IP6K3: variants seen among roughly 807,000 people sequenced by gnomAD.
IP6K3 encodes ATP:1D-myo-inositol-hexakisphosphate phosphotransferase.
Under a neutral mutation model 28.8 loss-of-function variants are expected in IP6K3, and 20 were observed. The observed-to-expected ratio is 0.70, with a 90% CI of 0.49 to 1.01. The LOEUF (loss-of-function observed/expected upper bound fraction) is 1.01, where lower values mean the gene tolerates loss of function less well. Ranked by LOEUF, IP6K3 falls within the 50% of genes least tolerant of loss-of-function variation. IP6K3 has a pLI of 0.00. For missense variants in IP6K3, 480 were observed against 537.1 expected (o/e 0.89, Z 1.05); for synonymous variants, 213 against 221.3 (o/e 0.96, Z 0.33).
intron 1 of IP6K3, among the ~76,000 whole-genome samples, chr6:33,740,445 C>T (rs1053219761): frequency 7.2e-5 from 11 of 152,240 alleles, no homozygotes; most frequent in Admixed American, 6.5e-4. Context: ...AGGCCCTGGG[C>T]TGTCTGTGCC....
chr6:33,759,143 A>C, the IP6K3 span, among the ~76,000 whole-genome samples: 1 of 152,198 alleles, frequency 6.6e-6, no homozygotes, highest in Non-Finnish European at 1.5e-5. Context: ...AGAGCCATAA[A>C]TTTGTCGTGT....
chr6:33,726,591 G>C (rs1030600455), intron 4 of IP6K3, 140 bp downstream of exon 4: 1 of 849,188 alleles, frequency 1.2e-6, no homozygotes, highest in Non-Finnish European at 1.7e-6. Context: ...GTGCCTTCCA[G>C]CTATCCCTCA....
intron 1 of IP6K3, among the ~76,000 whole-genome samples, chr6:33,737,621 T>C (rs2127360658): frequency 6.6e-6 from 1 of 152,336 alleles, no homozygotes; most frequent in Middle Eastern, 3.4e-3. Context: ...CAACACAGCC[T>C]GTTCATTCCC....
chr6:33,759,105 T>C, the IP6K3 span, among the ~76,000 whole-genome samples: 1 of 152,144 alleles, frequency 6.6e-6, no homozygotes, highest in South Asian at 2.1e-4. Context: ...CAATCTTTGC[T>C]AAGTCAATAG....
At chr6:33,736,990 C>T (rs1204994034) in intron 1 of IP6K3, among the ~76,000 whole-genome samples, 2 of 152,198 alleles carry the variant, frequency 1.3e-5, no homozygotes, top group East Asian at 1.9e-4. Flanking sequence ...ATTTTCCTCA[C>T]AGCTCTGGGT....
upstream of IP6K3, among the ~76,000 whole-genome samples, chr6:33,747,857 C>T (rs933236834): frequency 2.6e-5 from 4 of 152,060 alleles, no homozygotes; most frequent in Non-Finnish European, 5.9e-5. The surrounding 1 kb of genome is among the most constrained non-coding windows in gnomAD (Gnocchi z 5.2). Context: ...CAGATGCTGT[C>T]CTCTGGGAGA....
At position 33,728,300 on chromosome 6, in the gene IP6K3, C is replaced by T. The variant is rs758030368; in HGVS notation, c.200G>A (p.Gly67Asp). The T allele has an allele frequency of 6.2e-7, 1 of 1,614,036 alleles. No homozygotes were observed. The highest frequency in any genetic ancestry group is 1.1e-5 in the South Asian group (1 of 91,082). The change falls in exon 3 of 6, where the codon GGT becomes GAT. Residue 67 changes from glycine to aspartate, a missense_variant and splice_region_variant. Gly to Asp is a moderately conservative substitution (Grantham distance 94). Coordinates refer to ENST00000293756, the MANE Select transcript of IP6K3 (RefSeq NM_054111.5). ...TTTCCAGAGGTGCACTGTGACGGTACCTGCAAACACACAGGGAAGGGGAGG... is the reference window on the plus strand; with the variant it reads ...TTTCCAGAGGTGCACTGTGACGGTATCTGCAAACACACAGGGAAGGGGAGG... ...AMKRFTPQYK[G>D]TVTVHLWKDS... is the part of the protein sequence containing the mutation.
In IP6K3 at chr6:33,728,212, C is replaced by T; in HGVS notation, c.288G>A (p.Lys96=). 9 of 1,614,152 alleles carry T rather than the reference C, an allele frequency of 5.6e-6. No individual in the cohort carries two copies. The highest frequency in any genetic ancestry group is 7.6e-6 in the Non-Finnish European group (9 of 1,180,052). ...CCACCGCCGCCGACTCTGTGGAGAC[C>T]TTGAAGGGCTCCTGGCTCTCCTTCA... The part of the protein sequence containing the change: ...NPVKESQEPF[K]VSTESAAVAI... Residue 96 remains lysine, a synonymous_variant, in exon 3 of 6, where the codon AAG becomes AAA. Coordinates refer to ENST00000293756, the MANE Select transcript of IP6K3 (RefSeq NM_054111.5).
chr6:33,731,104 C>G (rs1038853412), intron 2 of IP6K3, among the ~76,000 whole-genome samples: 148 of 152,268 alleles, frequency 9.7e-4, no homozygotes, highest in African/African-American at 3.3e-3. Flanking sequence ...TGTCCCAAGC[C>G]CATCTTTCCA....
chr6:33,761,765 T>C, the IP6K3 span, among the ~76,000 whole-genome samples: 1 of 151,886 alleles, frequency 6.6e-6, no homozygotes, highest in African/African-American at 2.4e-5. Context: ...GGGAGAAGCC[T>C]GGGTGTCTCT....
rs1311475708 is a variant in IP6K3 at position 33,746,020 on chromosome 6, C to G, written c.-180+738G>C. 6.6e-6 allele frequency among the ~76,000 whole-genome samples: 1 copy of G among 152,102 alleles called. No homozygotes were observed. The highest frequency in any genetic ancestry group is 1.5e-5 in the Non-Finnish European group (1 of 67,998). On this transcript the variant is annotated intron_variant, in intron 1 of 5. Coordinates refer to ENST00000293756, the MANE Select transcript of IP6K3 (RefSeq NM_054111.5). The surrounding 1 kb of genome is among the most constrained non-coding windows in gnomAD (Gnocchi z 6.5). ...GTCCCTCCCTATGGGATCAGAATTT[C>G]AGGGGAAGGGGCCTGGCATGGGGGG...
At chr6:33,755,851 T>C in the IP6K3 span, among the ~76,000 whole-genome samples, 1 of 152,226 alleles carries the variant, frequency 6.6e-6, no homozygotes, top group East Asian at 1.9e-4. Context: ...AAATTTTTTT[T>C]ATTTTTATTA....
At chr6:33,749,527 C>T (rs930365549), upstream of IP6K3, among the ~76,000 whole-genome samples, 2 of 150,710 alleles carry the variant, frequency 1.3e-5, no homozygotes, top group Non-Finnish European at 3.0e-5. Context: ...TGTGACCCAC[C>T]TTGCTCCCTG....
At chr6:33,738,999 A>C (rs1184800512) in intron 1 of IP6K3, 1 of 152,262 alleles carries the variant, frequency 6.6e-6, no homozygotes, top group Non-Finnish European at 1.5e-5. Flanking sequence ...AGGGGTTGGT[A>C]TCGACCTTCC....
Position 33,728,251 on chromosome 6 carries a change from C to T in IP6K3, c.249G>A (p.Leu83=). The T allele has an allele frequency of 6.2e-7, 1 of 1,614,206 alleles. No homozygotes were observed. ...LWKDSTGHLS[L]VANPVKESQE... ...GGCTCTCCTTCACTGGGTTGGCAAC[C>T]AAGCTGAGATGGCCTGTGCTGTCTT... Residue 83 remains leucine, a synonymous_variant, in exon 3 of 6, where the codon TTG becomes TTA. Coordinates refer to ENST00000293756, the MANE Select transcript of IP6K3 (RefSeq NM_054111.5).
intron 3 of IP6K3, among the ~76,000 whole-genome samples, chr6:33,727,220 C>T (rs550801180): frequency 2.6e-5 from 4 of 152,124 alleles, no homozygotes; most frequent in Non-Finnish European, 5.9e-5. Flanking sequence ...ATTATTGAGG[C>T]GACACACTAA....
At chr6:33,759,827 T>C in the IP6K3 span, among the ~76,000 whole-genome samples, 241 of 151,280 alleles carry the variant, frequency 1.6e-3, no homozygotes, top group Middle Eastern at 0.017. Context: ...GAGCCAAGAT[T>C]GCGCCACTGA....
chr6:33,736,405 T>G (rs1214293192), intron 1 of IP6K3, among the ~76,000 whole-genome samples: 6 of 151,384 alleles, frequency 4.0e-5, no homozygotes, highest in African/African-American at 1.5e-4. Flanking sequence ...TTGCTTGCTT[T>G]ATTTATTTAT....
At chr6:33,735,176 C>G in intron 2 of IP6K3, 102 bp downstream of exon 2, 2 of 996,646 alleles carry the variant, frequency 2.0e-6, no homozygotes, top group East Asian at 2.6e-5. Flanking sequence ...CTGTGGCAAC[C>G]CTTACACACA....
Sources: allele counts gnomAD v4.1 joint callset (sites outside exome capture counted in the v4.1 genomes callset), GRCh38; gene constraint gnomAD v4.1.1; non-coding constraint Gnocchi (gnomAD v3.1); transcripts MANE v1.5; gene names NCBI Gene and HGNC (gene_info 2026-07-23, HGNC 2026-07-21).